Variants in UGT2A2 observed in about 807,000 individuals in gnomAD.
UGT2A2 encodes UDP-glucuronosyltransferase 2A2.
A neutral mutation model predicts 50.7 loss-of-function variants in UGT2A2; 60 were observed. The ratio of observed to expected loss-of-function variants is 1.18; its 90% CI spans 0.96 to 1.47. The LOEUF is 1.47. UGT2A2 is among the 40% of genes most tolerant of loss of function. The pLI is 0.00. For missense variants in UGT2A2, 762 were observed against 634.0 expected (o/e 1.20, Z -2.17); for synonymous variants, 242 against 214.6 (o/e 1.13, Z -1.11).
chr4:69,627,673 A>C (rs937839706), intron 1 of UGT2A2, among the ~76,000 whole-genome samples: 1 of 151,962 alleles, frequency 6.6e-6, no homozygotes, highest in Non-Finnish European at 1.5e-5. Context: ...AAAAGGACTG[A>C]AGAACAAATA....
At chr4:69,590,712 G>A (rs1325642237) in intron 5 of UGT2A2, among the ~76,000 whole-genome samples, 1 of 151,888 alleles carries the variant, frequency 6.6e-6, no homozygotes, top group Non-Finnish European at 1.5e-5. Context: ...AATTTCACAT[G>A]GATCATCCGA....
Position 69,599,414 on chromosome 4 carries a change from T to C in UGT2A2, c.743-20A>G, listed in dbSNP as rs887930336. 6.2e-7 allele frequency: 1 copy of C among 1,610,206 alleles called. No homozygotes were observed. The highest frequency in any genetic ancestry group is 8.5e-7 in the Non-Finnish European group (1 of 1,179,084). On this transcript the variant is annotated intron_variant, in intron 1 of 5. Coordinates refer to ENST00000604629, the MANE Select transcript of UGT2A2 (RefSeq NM_001105677.2). ...GTCTTCCTGGAGAAAATGTAACAAG[T>C]TGGATGGAGGAAATTAGCTTATATG...
intron 5 of UGT2A2, among the ~76,000 whole-genome samples, chr4:69,592,119 C>G (rs964771077): frequency 6.6e-6 from 1 of 152,000 alleles, no homozygotes; most frequent in African/African-American, 2.4e-5. Context: ...AAATGCCTGG[C>G]AAAGGTCACT....
chr4:69,621,119 G>A (rs1364648697), intron 1 of UGT2A2, among the ~76,000 whole-genome samples: 3 of 151,926 alleles, frequency 2.0e-5, no homozygotes, highest in Non-Finnish European at 4.4e-5. Flanking sequence ...GATGCCGAAA[G>A]CAATCACAAC....
intron 1 of UGT2A2, among the ~76,000 whole-genome samples, chr4:69,629,266 C>T (rs10011630): frequency 0.043 from 6,583 of 152,004 alleles, 190 homozygotes; most frequent in African/African-American, 0.069. Flanking sequence ...CTATGAATAG[C>T]GTTCATTCAG....
rs1165977331 is a variant in UGT2A2, at chr4:69,638,808, C to T, written c.742+91G>A. ...AAGAAGTCCATTATCTTCAGCTCAG[C>T]ATATGCAGTGGAATGGAAATCGTTT... On this transcript the variant is annotated intron_variant, in intron 1 of 5. Transcript: ENST00000604629. The T allele has an allele frequency of 3.5e-6, 5 of 1,411,836 alleles. No individual in the cohort carries two copies. The African/African-American group carries it at 5.8e-5, about 16-fold the overall frequency. 87.5% of individuals were successfully genotyped at this position (1,411,836 alleles called of 1,614,324 possible).
At chr4:69,634,079 A>C (rs999148594) in intron 1 of UGT2A2, among the ~76,000 whole-genome samples, 1 of 152,022 alleles carries the variant, frequency 6.6e-6, no homozygotes, top group African/African-American at 2.4e-5. Flanking sequence ...CCCCGTCTCT[A>C]CTAAAAATAC....
At chr4:69,622,396 A>G (rs1720804782) in intron 1 of UGT2A2, among the ~76,000 whole-genome samples, 2 of 151,860 alleles carry the variant, frequency 1.3e-5, no homozygotes, top group Non-Finnish European at 2.9e-5. Flanking sequence ...AAAAATACGA[A>G]TTATTTAATT....
chr4:69,620,161 G>A (rs1577977608), intron 1 of UGT2A2, among the ~76,000 whole-genome samples: 2 of 151,890 alleles, frequency 1.3e-5, no homozygotes, highest in East Asian at 3.9e-4. Flanking sequence ...AGAAATAAAA[G>A]GCATCCAAAT....
At chr4:69,593,196 A>C (rs1383102915) in intron 5 of UGT2A2, among the ~76,000 whole-genome samples, 3 of 152,154 alleles carry the variant, frequency 2.0e-5, no homozygotes, top group Non-Finnish European at 4.4e-5. Context: ...TATTGAAAGA[A>C]AATTCCATGT....
rs1721169248 is a variant in UGT2A2 at position 69,627,709 on chromosome 4, A to T, written c.742+11190T>A. Among the ~76,000 whole-genome samples, 3 of 152,044 alleles carry T rather than the reference A, an allele frequency of 2.0e-5. No individual in the cohort carries two copies. The South Asian group carries it at 6.2e-4, about 32-fold the overall frequency. On this transcript the variant is annotated intron_variant, in intron 1 of 5. Coordinates refer to ENST00000604629, the MANE Select transcript of UGT2A2 (RefSeq NM_001105677.2). ...TATTTAAGGTTCATAAACACTCATG[A>T]ATACAAAGGCAAGTGTCCCTGTATC... is the stretch of plus-strand genomic sequence containing the variant.
intron 2 of UGT2A2, among the ~76,000 whole-genome samples, chr4:69,598,682 C>T (rs1218073678): frequency 1.3e-5 from 2 of 152,174 alleles, no homozygotes; most frequent in East Asian, 3.9e-4. Context: ...AGGTCAGAAA[C>T]TAAACTCACC....
At chr4:69,591,037 A>G (rs1718568427) in intron 5 of UGT2A2, among the ~76,000 whole-genome samples, 1 of 152,212 alleles carries the variant, frequency 6.6e-6, no homozygotes, top group Admixed American at 6.6e-5. Flanking sequence ...TTAGGGTTAA[A>G]GTGAAGTTAC....
chr4:69,632,496 A>T (rs1721441222), intron 1 of UGT2A2, among the ~76,000 whole-genome samples: 1 of 152,156 alleles, frequency 6.6e-6, no homozygotes, highest in Non-Finnish European at 1.5e-5. Flanking sequence ...CTCACGGAGG[A>T]TAATTTCTAT....
At chr4:69,603,536 C>T (rs1384220150) in intron 1 of UGT2A2, 1 of 136,674 alleles carries the variant, frequency 7.3e-6, no homozygotes, top group African/African-American at 3.0e-5. Context: ...GAAAGCAGCT[C>T]CTCACACGCA....
Position 69,599,337 on chromosome 4 carries a change from G to T in UGT2A2, c.800C>A (p.Thr267Lys), listed in dbSNP as rs1171270173. Residue 267 changes from threonine (T) to lysine (K), a missense_variant, in exon 2 of 6, where the codon ACA becomes AAA. Physicochemically the swap from Thr to Lys is moderately conservative, Grantham distance 78. Transcript: ENST00000604629. The stretch of plus-strand genomic sequence containing the variant: ...ACGAGGAAATTCAAAATCCCAATAT[G>T]TTCGGATTAACCAAATTTCAGCTTT... ...MGKAEIWLIR[T>K]YWDFEFPRPY... The T allele has an allele frequency of 6.2e-7, 1 of 1,613,774 alleles. No individual in the cohort carries two copies. Among genetic ancestry groups the T allele is most frequent in the Non-Finnish European group, 8.5e-7 (1 of 1,179,900 alleles).
intron 1 of UGT2A2, among the ~76,000 whole-genome samples, chr4:69,636,350 G>C (rs1489133896): frequency 2.0e-5 from 3 of 152,080 alleles, no homozygotes; most frequent in Admixed American, 1.3e-4. Context: ...TTTTGTTTGT[G>C]ATGGCAAACA....
At chr4:69,613,346 C>T (rs772431111) in intron 1 of UGT2A2, among the ~76,000 whole-genome samples, 1 of 151,930 alleles carries the variant, frequency 6.6e-6, no homozygotes, top group Admixed American at 6.6e-5. Context: ...GATAAAAATT[C>T]TCCTATCCAA....
Position 69,588,922 on chromosome 4 carries a change from C to T in UGT2A2, c.*450G>A, listed in dbSNP as rs536699946. 1 of 153,750 alleles carries T rather than the reference C, an allele frequency of 6.5e-6. No individual in the cohort carries two copies. The highest frequency in any genetic ancestry group is 1.9e-4 in the East Asian group (1 of 5,198). The allele number at this position is 153,750 out of a possible 1,614,324, so 9.5% of individuals were successfully genotyped here. On this transcript the variant is annotated 3_prime_UTR_variant, in exon 6 of 6. Coordinates refer to ENST00000604629, the MANE Select transcript of UGT2A2 (RefSeq NM_001105677.2). ...ACCTTTCTCATAACACACTACTCTC[C>T]TACGGTGGCTCCCTGATTTGTTTGG...
Sources: allele counts gnomAD v4.1 joint callset (sites outside exome capture counted in the v4.1 genomes callset), GRCh38; gene constraint gnomAD v4.1.1; transcripts MANE v1.5; gene names NCBI Gene and HGNC (gene_info 2026-07-23, HGNC 2026-07-21).